Variants in SYNE1 observed in about 807,000 individuals in gnomAD.
The protein encoded by SYNE1 is nesprin-1.
In SYNE1, 616 loss-of-function variants were observed where a neutral mutation model predicts 1,111.0. The ratio of observed to expected loss-of-function variants is 0.55; its 90% CI spans 0.52 to 0.59. The LOEUF (loss-of-function observed/expected upper bound fraction) is 0.59, where lower values mean the gene tolerates loss of function less well. Ranked by LOEUF, SYNE1 falls within the 20% of genes least tolerant of loss-of-function variation. The pLI is 0.00. For synonymous variants in SYNE1, 3,855 were observed against 3,825.8 expected (o/e 1.01, Z -0.28); for missense variants, 10,006 against 10,417.0 (o/e 0.96, Z 1.72).
At chr6:152,505,063 G>A in intron 9 of SYNE1, 138 bp downstream of exon 9, 2 of 953,716 alleles carry the variant, frequency 2.1e-6, no homozygotes, top group Non-Finnish European at 3.2e-6. Flanking sequence ...AATTGATGCA[G>A]GAAAATACCA....
At chr6:152,278,520 T>C (rs748998878) in intron 97 of SYNE1, among the ~76,000 whole-genome samples, 3 of 152,170 alleles carry the variant, frequency 2.0e-5, no homozygotes, top group Non-Finnish European at 4.4e-5. Flanking sequence ...TGGAGTTTAG[T>C]GGAGCGATCT....
rs2098389416 is a variant in SYNE1 at position 152,428,202 on chromosome 6, C to T, written c.4976+3G>A. 6.2e-7 allele frequency: 1 copy of T among 1,613,068 alleles called. No homozygotes were observed. The highest frequency in any genetic ancestry group is 8.5e-7 in the Non-Finnish European group (1 of 1,180,010). On this transcript the variant is annotated splice_donor_region_variant and intron_variant, in intron 37 of 145. Coordinates refer to ENST00000367255, the MANE Select transcript of SYNE1 (RefSeq NM_182961.4). ...CAGCAACTCAAGGAAAAGTGCTGCT[C>T]ACCTCTGCCAGTGGGCCAGCAGATT...
chr6:152,592,193 AT>A (rs35540037), intron 3 of SYNE1, among the ~76,000 whole-genome samples: 1 of 152,006 alleles, frequency 6.6e-6, no homozygotes, highest in Non-Finnish European at 1.5e-5. Flanking sequence ...TATACTGGGT[AT>A]TTTTTGCATA....
chr6:152,619,036 G>T lies in SYNE1; in HGVS notation c.67+9229C>A, dbSNP rs555395626. The stretch of plus-strand genomic sequence containing the variant: ...ACAAAGATCAGAAACTAGGTATTTA[G>T]GTGTGAGAATCACACACACACACAC... On this transcript the variant is annotated intron_variant, in intron 3 of 145. Coordinates refer to ENST00000367255, the MANE Select transcript of SYNE1 (RefSeq NM_182961.4). 7.5e-4 allele frequency among the ~76,000 whole-genome samples: 84 copies of T among 111,412 alleles called. 1 individual carries two copies. Among genetic ancestry groups the T allele is most frequent in the Admixed American group, 3.4e-3 (35 of 10,366 alleles). 73.1% of individuals were successfully genotyped at this position (111,412 alleles called of 152,430 possible).
At position 152,206,053 on chromosome 6, in the gene SYNE1, C is replaced by T; in HGVS notation, c.23019+115G>A. The T allele has an allele frequency of 4.7e-6, 5 of 1,065,942 alleles. No homozygotes were observed. The South Asian group carries it at 5.5e-5, about 12-fold the overall frequency. The allele number at this position is 1,065,942 out of a possible 1,614,324, so 66.0% of individuals were successfully genotyped here. On this transcript the variant is annotated intron_variant, in intron 126 of 145. Transcript: ENST00000367255. ...AAATAAAACACAGAGAATCAAAATA[C>T]TGCAGGGTATTATTTCATGATCTTT... is the stretch of plus-strand genomic sequence containing the variant.
chr6:152,591,323 T>G (rs1359253033), intron 3 of SYNE1, among the ~76,000 whole-genome samples: 1 of 152,100 alleles, frequency 6.6e-6, no homozygotes, highest in Non-Finnish European at 1.5e-5. Context: ...CATAGACTGA[T>G]GGAACAGAAT....
rs547589198 is a variant in SYNE1 at position 152,123,526 on chromosome 6, A to G, written c.26154-850T>C. On this transcript the variant is annotated intron_variant, in intron 145 of 145. Transcript: ENST00000367255. ...ACAGGTTTCAGAACTCTTAAGAAGG[A>G]CTGCCTGGAAAATACAGAATCTGGA... Among the ~76,000 whole-genome samples the G allele has an allele frequency of 3.3e-5, 5 of 152,372 alleles. No homozygotes were observed. In the East Asian group the frequency reaches 9.6e-4, roughly 29 times the overall value.
rs1003495143 is a variant in SYNE1, at chr6:152,396,828, T to A, written c.7503A>T (p.Lys2501Asn). 1.2e-6 allele frequency: 2 copies of A among 1,614,214 alleles called. No homozygotes were observed. Among genetic ancestry groups the A allele is most frequent in the Non-Finnish European group, 1.7e-6 (2 of 1,180,022 alleles). ...GAGCCTGCTTATCTTTAAGGCATTG[T>A]TTCAGAAATGCTTGAAACTCTTCAT... is the stretch of plus-strand genomic sequence containing the variant. Reference protein sequence around the residue: ...KANEEFQAFLKQCLKDKQALQ... With the variant: ...KANEEFQAFLNQCLKDKQALQ... The change falls in exon 50 of 146, where the codon AAA (lysine) becomes AAT (asparagine). Residue 2501 changes from lysine to asparagine, a missense_variant. Coordinates refer to ENST00000367255, the MANE Select transcript of SYNE1 (RefSeq NM_182961.4).
chr6:152,392,812 A>G (rs778703896), intron 51 of SYNE1, among the ~76,000 whole-genome samples: 17 of 152,348 alleles, frequency 1.1e-4, no homozygotes, highest in Middle Eastern at 3.4e-3. Flanking sequence ...AAGAAAAGAG[A>G]TTTCCCTTCT....
In SYNE1 at chr6:152,430,555, T is replaced by C; in HGVS notation, c.4616A>G (p.His1539Arg). 1 of 1,614,220 alleles carries C rather than the reference T, an allele frequency of 6.2e-7. No homozygotes were observed. Among genetic ancestry groups the C allele is most frequent in the Non-Finnish European group, 8.5e-7 (1 of 1,180,022 alleles). ...GATTGTTCCTTCCAGACACTGTGCA[T>C]GCTCTCGAAGCTCTTCCCCGTATCT... ...IRRYGEELRE[H>R]AQCLEGTILG... is the part of the protein sequence containing the mutation. The change falls in exon 35 of 146, where the codon CAT (histidine) becomes CGT (arginine). Residue 1539 changes from histidine to arginine, a missense_variant. By Grantham distance (29) the His-to-Arg change is conservative (BLOSUM62 0). Around this residue, in one of 7 missense-constraint regions of SYNE1, gnomAD observed 1,971 missense variants for 2,084.1 expected, o/e 0.95. Transcript: ENST00000367255.
At chr6:152,219,554 G>GT (rs891247718) in intron 119 of SYNE1, among the ~76,000 whole-genome samples, 2 of 149,532 alleles carry the variant, frequency 1.3e-5, no homozygotes, top group African/African-American at 2.4e-5. Context: ...TATTTTGGCA[G>GT]TTTTTTTCCT....
intron 127 of SYNE1, among the ~76,000 whole-genome samples, chr6:152,197,373 G>A (rs1017392675): frequency 3.9e-5 from 6 of 152,212 alleles, no homozygotes; most frequent in African/African-American, 1.4e-4. Flanking sequence ...AATCGGGAAT[G>A]TTCTTACTGC....
intron 4 of SYNE1, among the ~76,000 whole-genome samples, chr6:152,534,035 T>C (rs1043326210): frequency 4.6e-5 from 7 of 151,954 alleles, no homozygotes; most frequent in African/African-American, 1.7e-4. Flanking sequence ...GGTGGGCTCC[T>C]GTAATCCCAG....
intron 11 of SYNE1, 72 bp from the exon 12 acceptor site, chr6:152,488,575 GA>G: frequency 4.7e-6 from 4 of 851,844 alleles, no homozygotes; most frequent in Non-Finnish European, 7.7e-6. Flanking sequence ...ATACTTGACT[GA>G]TTCTAGAAGA....
intron 5 of SYNE1, among the ~76,000 whole-genome samples, chr6:152,521,390 G>A (rs1170389716): frequency 1.3e-5 from 2 of 152,086 alleles, no homozygotes; most frequent in Non-Finnish European, 2.9e-5. Context: ...TTGCTGAGTC[G>A]AAGGGAATGT....
Position 152,326,420 on chromosome 6 carries a change from C to CT in SYNE1, c.15168dup (p.Ala5057SerfsTer59), listed in dbSNP as rs1554455233. ...GGCTTGATGAGTGGGTCCAGGGTGG[C>CT]TACCAGGCTGTGGAGCTCCTCCAGG... On this transcript the variant is annotated frameshift_variant, in exon 79 of 146. Coordinates refer to ENST00000367255, the MANE Select transcript of SYNE1 (RefSeq NM_182961.4). LOFTEE classifies it high-confidence loss of function. 2 of 1,614,176 alleles carry CT rather than the reference C, an allele frequency of 1.2e-6. No individual in the cohort carries two copies. Among genetic ancestry groups the CT allele is most frequent in the Non-Finnish European group, 1.7e-6 (2 of 1,180,042 alleles).
chr6:152,450,263 T>C (rs1490166725), intron 27 of SYNE1, among the ~76,000 whole-genome samples: 2 of 152,174 alleles, frequency 1.3e-5, no homozygotes, highest in Admixed American at 6.5e-5. Flanking sequence ...GGCATGATTG[T>C]AAGTTTCCTG....
chr6:152,553,921 T>A (rs1485317640), intron 3 of SYNE1, among the ~76,000 whole-genome samples: 1 of 151,198 alleles, frequency 6.6e-6, no homozygotes, highest in Non-Finnish European at 1.5e-5. Context: ...GCTAGGAGAG[T>A]CTTTCAGAGA....
chr6:152,510,391 C>A lies in SYNE1; in HGVS notation c.403-20G>T. 6.2e-7 allele frequency: 1 copy of A among 1,612,374 alleles called. No individual in the cohort carries two copies. Among genetic ancestry groups the A allele is most frequent in the South Asian group, 1.1e-5 (1 of 90,906 alleles). ...TTCAATCTGTTTGTGAGTTAACAGCCAGCAAAAATATAAGCATTATCTTTG... is the reference window on the plus strand; with the variant it reads ...TTCAATCTGTTTGTGAGTTAACAGCAAGCAAAAATATAAGCATTATCTTTG... On this transcript the variant is annotated intron_variant, in intron 7 of 145. Transcript: ENST00000367255.
Sources: allele counts gnomAD v4.1 joint callset (sites outside exome capture counted in the v4.1 genomes callset), GRCh38; gene constraint gnomAD v4.1.1; regional missense constraint gnomAD v4.1.1; transcripts MANE v1.5; gene names NCBI Gene and HGNC (gene_info 2026-07-23, HGNC 2026-07-21).